WDR64: variants seen among roughly 807,000 people sequenced by gnomAD.
The protein encoded by WDR64 is WD repeat domain 64, also known as WD repeat-containing protein 64.
WDR64 carries 112 observed loss-of-function variants against 139.3 expected under a neutral mutation model. The ratio of observed to expected loss-of-function variants is 0.80; its 90% CI spans 0.69 to 0.94. WDR64 has a LOEUF of 0.94. Ranked by LOEUF, WDR64 falls within the 40% of genes least tolerant of loss-of-function variation. WDR64 has a pLI of 0.00. For missense variants in WDR64, 1,206 were observed against 1,293.1 expected (o/e 0.93, Z 1.03); for synonymous variants, 444 against 437.7 (o/e 1.01, Z -0.18).
At chr1:241,735,193 A>G (rs1398620746) in intron 10 of WDR64, among the ~76,000 whole-genome samples, 14 of 151,584 alleles carry the variant, frequency 9.2e-5, no homozygotes, top group Admixed American at 9.2e-4. Context: ...TTCCCTCAAC[A>G]CTCTGTTTTG....
chr1:241,743,451 T>G (rs1293977076), intron 12 of WDR64, among the ~76,000 whole-genome samples: 1 of 152,130 alleles, frequency 6.6e-6, no homozygotes, highest in Non-Finnish European at 1.5e-5. Flanking sequence ...CAAGTGGCCC[T>G]TCATTATCAG....
At chr1:241,693,715 C>G (rs1667386056) in intron 8 of WDR64, among the ~76,000 whole-genome samples, 1 of 151,974 alleles carries the variant, frequency 6.6e-6, no homozygotes, top group South Asian at 2.1e-4. Flanking sequence ...AAAATAAAAT[C>G]TAGTTTAAAA....
intron 13 of WDR64, among the ~76,000 whole-genome samples, chr1:241,745,183 G>A (rs1017119358): frequency 5.3e-5 from 8 of 152,100 alleles, no homozygotes; most frequent in African/African-American, 1.9e-4. Context: ...CCGATTGCAT[G>A]AGCTACTCTG....
intron 23 of WDR64, among the ~76,000 whole-genome samples, chr1:241,786,660 A>AGATC (rs1157976010): frequency 6.6e-6 from 1 of 152,212 alleles, no homozygotes; most frequent in East Asian, 1.9e-4. Context: ...AAGCAGCATG[A>AGATC]GATCCCTCCT....
At chr1:241,699,179 C>T (rs1574019364) in intron 8 of WDR64, among the ~76,000 whole-genome samples, 2 of 152,132 alleles carry the variant, frequency 1.3e-5, no homozygotes, top group Admixed American at 1.3e-4. Flanking sequence ...ACAGCCAAAC[C>T]ATATCACATG....
chr1:241,675,077 C>T (rs1666455334), intron 4 of WDR64, among the ~76,000 whole-genome samples: 1 of 89,816 alleles, frequency 1.1e-5, no homozygotes, highest in Non-Finnish European at 2.3e-5. Flanking sequence ...CTTCCTGCCT[C>T]CCTCCCTTCA....
At chr1:241,725,506 C>T (rs1668784207) in intron 10 of WDR64, among the ~76,000 whole-genome samples, 1 of 151,978 alleles carries the variant, frequency 6.6e-6, no homozygotes, top group South Asian at 2.1e-4. Context: ...ATCTCCAAGG[C>T]CCAGTCGTTC....
chr1:241,734,615 C>A (rs10926557), intron 10 of WDR64, among the ~76,000 whole-genome samples: 1 of 151,810 alleles, frequency 6.6e-6, no homozygotes, highest in Non-Finnish European at 1.5e-5. Context: ...AACTGACTAA[C>A]CAATCAAGCT....
chr1:241,704,948 G>T (rs1163996199), intron 8 of WDR64, among the ~76,000 whole-genome samples: 2 of 152,164 alleles, frequency 1.3e-5, no homozygotes, highest in Non-Finnish European at 1.5e-5. Context: ...TAATTGAAAA[G>T]AGGGATTAAG....
intron 12 of WDR64, among the ~76,000 whole-genome samples, chr1:241,742,665 G>T (rs965993474): frequency 6.6e-6 from 1 of 152,312 alleles, no homozygotes; most frequent in East Asian, 1.9e-4. Context: ...GCCCTAAGGG[G>T]TTGTTTATGG....
intron 10 of WDR64, 117 bp downstream of exon 10, chr1:241,723,553 A>G: frequency 8.6e-7 from 1 of 1,162,646 alleles, no homozygotes; most frequent in South Asian, 1.8e-5. Context: ...AATCATTGAG[A>G]AAAATATTGT....
intron 25 of WDR64, among the ~76,000 whole-genome samples, chr1:241,792,554 T>A (rs950000348): frequency 1.3e-5 from 2 of 151,098 alleles, no homozygotes; most frequent in Non-Finnish European, 3.0e-5. Context: ...AATAAATAAA[T>A]AAAAATAAAA....
At chr1:241,739,788 G>T (rs1392409778) in intron 11 of WDR64, among the ~76,000 whole-genome samples, 1 of 152,170 alleles carries the variant, frequency 6.6e-6, no homozygotes, top group Non-Finnish European at 1.5e-5. Context: ...TCTGTGTATT[G>T]TTCAATCACC....
Position 241,801,146 on chromosome 1 carries a change from A to T in WDR64, c.3207A>T (p.Arg1069Ser). ...TTATTTCACAGGCACCACGAAGAAG[A>T]AGTTTGAAAAAAAATTTAGTCCCAC... ...HVQREKAPRR[R>S]SLKKNLVPQI... The change falls in exon 28 of 28, where the codon AGA (arginine) becomes AGT (serine). Residue 1069 changes from arginine to serine, a missense_variant. Arg to Ser is a moderately radical substitution (Grantham distance 110, BLOSUM62 -1). Transcript: ENST00000437684. 1.9e-6 allele frequency: 3 copies of T among 1,613,746 alleles called. No individual in the cohort carries two copies. Among genetic ancestry groups the T allele is most frequent in the Non-Finnish European group, 2.5e-6 (3 of 1,179,802 alleles).
At chr1:241,799,221 AAAT>A (rs1181917533) in intron 27 of WDR64, among the ~76,000 whole-genome samples, 4 of 134,656 alleles carry the variant, frequency 3.0e-5, no homozygotes, top group Non-Finnish European at 5.0e-5. Flanking sequence ...AAAAAAAAAA[AAAT>A]ACAAAAATTA....
intron 9 of WDR64, among the ~76,000 whole-genome samples, chr1:241,713,361 GAGGGAGGGAGGA>G (rs1558486235): frequency 8.0e-6 from 1 of 125,616 alleles, no homozygotes; most frequent in Non-Finnish European, 1.7e-5. Flanking sequence ...GGGAGGGACA[GAGGGAGGGAGGA>G]AGGGAAGGAA....
At chr1:241,672,136 C>T (rs1573993628) in intron 3 of WDR64, among the ~76,000 whole-genome samples, 1 of 152,154 alleles carries the variant, frequency 6.6e-6, no homozygotes, top group East Asian at 1.9e-4. Context: ...GATGCCACCA[C>T]TGCACTCCAG....
chr1:241,687,358 G>A, intron 7 of WDR64, 103 bp from the exon 8 acceptor site: 5 of 1,386,788 alleles, frequency 3.6e-6, no homozygotes, highest in Middle Eastern at 2.0e-4. Flanking sequence ...CTACATTTGG[G>A]TTTAGTACAA....
intron 8 of WDR64, among the ~76,000 whole-genome samples, chr1:241,691,023 T>C (rs1667255115): frequency 6.6e-6 from 1 of 152,112 alleles, no homozygotes; most frequent in Non-Finnish European, 1.5e-5. Flanking sequence ...TGGAAGGAAT[T>C]AGGATTTTTG....
Sources: allele counts gnomAD v4.1 joint callset (sites outside exome capture counted in the v4.1 genomes callset), GRCh38; gene constraint gnomAD v4.1.1; transcripts MANE v1.5; gene names NCBI Gene and HGNC (gene_info 2026-07-23, HGNC 2026-07-21).